TENM3: variants seen among roughly 807,000 people sequenced by gnomAD.
The protein encoded by TENM3 is teneurin-3.
A neutral mutation model predicts 255.1 loss-of-function variants in TENM3; 63 were observed. The observed-to-expected ratio is 0.25, with a 90% CI of 0.20 to 0.30. The LOEUF is 0.30. TENM3 is among the 10% of genes least tolerant of loss of function. The pLI is 1.00. For missense variants in TENM3, 2,929 were observed against 3,461.1 expected (o/e 0.85, Z 3.86); for synonymous variants, 1,306 against 1,322.3 (o/e 0.99, Z 0.27).
At chr4:182,292,946 G>A (rs937989209) in intron 1 of TENM3, among the ~76,000 whole-genome samples, 3 of 152,182 alleles carry the variant, frequency 2.0e-5, no homozygotes, top group African/African-American at 7.2e-5. Context: ...GGTACAACAT[G>A]CTCAGAGACC....
chr4:181,605,584 G>GAGAGA, the TENM3 span, among the ~76,000 whole-genome samples: 28 of 68,966 alleles, frequency 4.1e-4, 1 homozygote, highest in East Asian at 2.8e-3. Flanking sequence ...GAGAAAGAAA[G>GAGAGA]GAAAGAAAGA....
At chr4:181,672,324 T>A in the TENM3 span, among the ~76,000 whole-genome samples, 6 of 152,178 alleles carry the variant, frequency 3.9e-5, no homozygotes, top group African/African-American at 1.4e-4. Flanking sequence ...AATATTTGCT[T>A]TATTTGTTAT....
At chr4:182,065,625 A>T in the TENM3 span, among the ~76,000 whole-genome samples, 1 of 152,170 alleles carries the variant, frequency 6.6e-6, no homozygotes, top group African/African-American at 2.4e-5. Context: ...CTCCTCTAAC[A>T]TTAAGGATTA....
chr4:182,621,006 C>T (rs533048240), intron 4 of TENM3, among the ~76,000 whole-genome samples: 15 of 152,236 alleles, frequency 9.9e-5, no homozygotes, highest in African/African-American at 3.4e-4. Context: ...AAAGTGAAAC[C>T]TCGTCTCTAC....
the TENM3 span, among the ~76,000 whole-genome samples, chr4:181,787,920 C>T: frequency 7.6e-4 from 116 of 152,148 alleles, 2 homozygotes; most frequent in African/African-American, 2.5e-3. Flanking sequence ...ACTTGAGCCC[C>T]GGAGGTCAAG....
chr4:182,595,064 T>C (rs1237066053), intron 3 of TENM3, among the ~76,000 whole-genome samples: 1 of 152,162 alleles, frequency 6.6e-6, no homozygotes, highest in Non-Finnish European at 1.5e-5. Flanking sequence ...CTGTGTGTTT[T>C]TAGCTCCTTT....
the TENM3 span, among the ~76,000 whole-genome samples, chr4:181,582,454 C>T: frequency 3.5e-4 from 53 of 152,044 alleles, no homozygotes; most frequent in Non-Finnish European, 5.9e-4. Flanking sequence ...TTAATCAAGA[C>T]GAATTTGCTA....
the TENM3 span, among the ~76,000 whole-genome samples, chr4:182,008,714 G>A: frequency 6.6e-6 from 1 of 152,068 alleles, no homozygotes; most frequent in Non-Finnish European, 1.5e-5. Flanking sequence ...ATCTTCTGAA[G>A]CCTACTTCTG....
At chr4:181,789,565 C>T in the TENM3 span, among the ~76,000 whole-genome samples, 1 of 151,952 alleles carries the variant, frequency 6.6e-6, no homozygotes, top group Non-Finnish European at 1.5e-5. Context: ...CTTTGTAACA[C>T]CTAAGTTTAT....
chr4:182,611,328 A>AAAAC (rs1553998760), intron 4 of TENM3, among the ~76,000 whole-genome samples: 1 of 151,322 alleles, frequency 6.6e-6, no homozygotes, highest in African/African-American at 2.4e-5. Context: ...AGGATGAACT[A>AAAAC]AAACAATTTT....
the TENM3 span, among the ~76,000 whole-genome samples, chr4:181,859,242 CAAAAAA>C: frequency 0.029 from 2,448 of 84,104 alleles, 73 homozygotes; most frequent in African/African-American, 0.11. Flanking sequence ...GACTCGGTCT[CAAAAAA>C]AAAAAAAAAA....
chr4:181,661,151 C>T, the TENM3 span, among the ~76,000 whole-genome samples: 9 of 152,142 alleles, frequency 5.9e-5, no homozygotes, highest in East Asian at 1.9e-4. Flanking sequence ...AAATCAGTTG[C>T]GTAATGGTGA....
chr4:182,613,922 C>T (rs185555878), intron 4 of TENM3, among the ~76,000 whole-genome samples: 4 of 152,256 alleles, frequency 2.6e-5, no homozygotes, highest in African/African-American at 9.6e-5. Flanking sequence ...TTTAAGACAC[C>T]TTTCTTGCAG....
intron 24 of TENM3, among the ~76,000 whole-genome samples, chr4:182,779,242 A>G (rs1316016618): frequency 3.3e-5 from 5 of 150,634 alleles, no homozygotes; most frequent in South Asian, 2.1e-4. Context: ...AGAGTGTGAT[A>G]TTCCCCTTCC....
chr4:182,195,207 A>T (rs1270569448), intron 1 of TENM3, among the ~76,000 whole-genome samples: 1 of 152,080 alleles, frequency 6.6e-6, no homozygotes, highest in Non-Finnish European at 1.5e-5. Flanking sequence ...TCTCTTAGAG[A>T]GATTTGATTT....
At chr4:182,024,434 T>A in the TENM3 span, among the ~76,000 whole-genome samples, 1 of 152,204 alleles carries the variant, frequency 6.6e-6, no homozygotes, top group Non-Finnish European at 1.5e-5. Flanking sequence ...TTTGTTTACA[T>A]ATTTATGTAT....
the TENM3 span, among the ~76,000 whole-genome samples, chr4:181,570,052 T>C: frequency 1.3e-5 from 2 of 148,478 alleles, no homozygotes; most frequent in African/African-American, 5.0e-5. Flanking sequence ...TTTTTTTTTT[T>C]TTTTGAGACG....
chr4:182,234,404 G>A (rs1756768394), intron 1 of TENM3, among the ~76,000 whole-genome samples: 1 of 152,180 alleles, frequency 6.6e-6, no homozygotes, highest in Non-Finnish European at 1.5e-5. Context: ...CCTACTATGT[G>A]TGAAATACTG....
chr4:182,218,967 G>A (rs1311078424), intron 1 of TENM3, among the ~76,000 whole-genome samples: 1 of 152,248 alleles, frequency 6.6e-6, no homozygotes, highest in Admixed American at 6.5e-5. Flanking sequence ...GTTCACGCCT[G>A]TAATCCCAGC....
Sources: allele counts gnomAD v4.1 joint callset (sites outside exome capture counted in the v4.1 genomes callset), GRCh38; gene constraint gnomAD v4.1.1; transcripts MANE v1.5; gene names NCBI Gene and HGNC (gene_info 2026-07-23, HGNC 2026-07-21).